SLC10A7: variants seen among roughly 807,000 people sequenced by gnomAD.
The protein encoded by SLC10A7 is sodium/bile acid cotransporter 7.
A neutral mutation model predicts 43.2 loss-of-function variants in SLC10A7; 29 were observed. That is an observed-to-expected ratio of 0.67 (90% CI 0.50 to 0.92). The LOEUF (loss-of-function observed/expected upper bound fraction) is 0.92. Ranked by LOEUF, SLC10A7 falls within the 40% of genes least tolerant of loss-of-function variation. The pLI is 0.00. For missense variants in SLC10A7, 295 were observed against 403.2 expected, an observed-to-expected ratio of 0.73 and a Z score of 2.30; for synonymous variants, 152 against 144.8, an observed-to-expected ratio of 1.05 and a Z score of -0.35.
chr4:146,472,067 A>G (rs1733615751), intron 4 of SLC10A7, among the ~76,000 whole-genome samples: 1 of 152,220 alleles, frequency 6.6e-6, no homozygotes, highest in African/African-American at 2.4e-5. Context: ...AATACAAAAT[A>G]TAAATCCTTC....
intron 6 of SLC10A7, among the ~76,000 whole-genome samples, chr4:146,324,530 A>G (rs1166616132): frequency 6.6e-6 from 1 of 152,146 alleles, no homozygotes; most frequent in East Asian, 1.9e-4. Flanking sequence ...TCTCTTCCAT[A>G]ATGAAGAAAA....
intron 5 of SLC10A7, among the ~76,000 whole-genome samples, chr4:146,411,670 G>A (rs1185403928): frequency 6.6e-6 from 1 of 152,112 alleles, no homozygotes; most frequent in Non-Finnish European, 1.5e-5. Flanking sequence ...TGATAGCAAT[G>A]ATGATTAAAT....
chr4:146,499,881 A>G (rs191422759), intron 4 of SLC10A7, among the ~76,000 whole-genome samples: 1 of 152,358 alleles, frequency 6.6e-6, no homozygotes, highest in East Asian at 1.9e-4. Flanking sequence ...CTTTAGAAGA[A>G]TCTAATGCTA....
intron 9 of SLC10A7, among the ~76,000 whole-genome samples, chr4:146,289,296 T>C (rs757481814): frequency 6.6e-5 from 10 of 152,192 alleles, no homozygotes; most frequent in Non-Finnish European, 1.2e-4. Context: ...CCCAGGGCTA[T>C]GGTGAAAGGC....
intron 5 of SLC10A7, among the ~76,000 whole-genome samples, chr4:146,436,000 G>A (rs1443798822): frequency 6.6e-6 from 1 of 151,928 alleles, no homozygotes; most frequent in Non-Finnish European, 1.5e-5. Context: ...CAATTGGCTA[G>A]TTCTACACCA....
intron 5 of SLC10A7, among the ~76,000 whole-genome samples, chr4:146,422,894 TAC>T (rs1389516232): frequency 6.6e-6 from 1 of 152,132 alleles, no homozygotes; most frequent in African/African-American, 2.4e-5. Context: ...AGCCAATCTT[TAC>T]ATGTCCTTTC....
intron 5 of SLC10A7, chr4:146,442,034 A>G (rs1730641536): frequency 1.0e-6 from 1 of 977,462 alleles, no homozygotes; most frequent in Non-Finnish European, 1.2e-6. Context: ...GCCCCAAAAA[A>G]TACAATATGA....
At chr4:146,258,597 T>C (rs560465967) in intron 11 of SLC10A7, 95 bp downstream of exon 11, 1 of 1,207,438 alleles carries the variant, frequency 8.3e-7, no homozygotes, top group South Asian at 1.7e-5. Flanking sequence ...AAAACAAAGA[T>C]ATGCAAGCAA....
chr4:146,521,626 A>C lies in SLC10A7; in HGVS notation c.92T>G (p.Val31Gly). 6.2e-7 allele frequency: 1 copy of C among 1,613,544 alleles called. No individual in the cohort carries two copies. The highest frequency in any genetic ancestry group is 8.5e-7 in the Non-Finnish European group (1 of 1,179,692). ...AGAGGTGCAGCACTTACCCCCATTCACCCCTATGGACGGCTCCAGTTTAGC... is the reference window on the plus strand; with the variant it reads ...AGAGGTGCAGCACTTACCCCCATTCCCCCCTATGGACGGCTCCAGTTTAGC... ...AGAKLEPSIG[V>G]NGGPLKPEIT... The change falls in exon 1 of 12, where the codon GTG (valine) becomes GGG (glycine). Residue 31 changes from valine to glycine, a missense_variant. Transcript: ENST00000335472.
chr4:146,305,549 A>C (rs1053075089), intron 7 of SLC10A7, among the ~76,000 whole-genome samples: 1 of 149,610 alleles, frequency 6.7e-6, no homozygotes, highest in Non-Finnish European at 1.5e-5. Flanking sequence ...CAATGTGCAC[A>C]TGTACCCTAA....
chr4:146,305,331 A>G (rs1731480493), intron 7 of SLC10A7, among the ~76,000 whole-genome samples: 1 of 151,062 alleles, frequency 6.6e-6, no homozygotes, highest in Admixed American at 6.6e-5. Context: ...AACAACAAAA[A>G]ACCAAACACC....
At chr4:146,361,091 C>T (rs1736018811) in intron 5 of SLC10A7, among the ~76,000 whole-genome samples, 1 of 152,068 alleles carries the variant, frequency 6.6e-6, no homozygotes, top group Admixed American at 6.6e-5. Context: ...CATATACTCC[C>T]ATAGTTCCCT....
chr4:146,360,727 G>C (rs1332889184), intron 5 of SLC10A7, among the ~76,000 whole-genome samples: 1 of 152,102 alleles, frequency 6.6e-6, no homozygotes, highest in Non-Finnish European at 1.5e-5. Flanking sequence ...AAAATGCTGG[G>C]ATTACAGGCA....
At chr4:146,468,473 AT>A (rs368637891) in intron 4 of SLC10A7, among the ~76,000 whole-genome samples, 29 of 143,598 alleles carry the variant, frequency 2.0e-4, no homozygotes, top group South Asian at 8.8e-4. Context: ...TTATATTTTA[AT>A]TTTTTTTTTT....
chr4:146,257,085 T>C, intron 11 of SLC10A7: 1 of 595,092 alleles, frequency 1.7e-6, no homozygotes, highest in Non-Finnish European at 3.0e-6. Flanking sequence ...GGCTGTATAA[T>C]ATTGATGAGT....
chr4:146,322,480 T>C (rs1001444750), intron 6 of SLC10A7, among the ~76,000 whole-genome samples: 2 of 151,780 alleles, frequency 1.3e-5, no homozygotes, highest in Non-Finnish European at 2.9e-5. Context: ...TTTGGTTTTT[T>C]GTCCTTGTGA....
intron 5 of SLC10A7, among the ~76,000 whole-genome samples, chr4:146,424,091 G>A (rs1025720991): frequency 6.6e-6 from 1 of 152,154 alleles, no homozygotes; most frequent in Non-Finnish European, 1.5e-5. Context: ...TCCCTCTGTT[G>A]TCCAGGCTGG....
intron 5 of SLC10A7, among the ~76,000 whole-genome samples, chr4:146,337,339 A>C (rs1733957252): frequency 6.6e-6 from 1 of 152,174 alleles, no homozygotes; most frequent in Middle Eastern, 3.4e-3. Flanking sequence ...CCATGGGCAC[A>C]CAGCTACAAT....
intron 4 of SLC10A7, among the ~76,000 whole-genome samples, chr4:146,461,921 T>C (rs1295924362): frequency 6.6e-6 from 1 of 151,524 alleles, no homozygotes; most frequent in African/African-American, 2.4e-5. Context: ...CAAATCATCA[T>C]ACAATTTTCT....
Sources: gnomAD v4.1 joint callset for allele counts (sites outside exome capture counted in the v4.1 genomes callset) on GRCh38, gnomAD v4.1.1 for gene constraint, MANE v1.5 for transcripts, NCBI Gene and HGNC (gene_info 2026-07-23, HGNC 2026-07-21) for gene names.